ST18: variants seen among roughly 807,000 people sequenced by gnomAD.
ST18 encodes the protein suppression of tumorigenicity 18 protein.
ST18 carries 50 observed loss-of-function variants against 110.0 expected under a neutral mutation model. The ratio of observed to expected loss-of-function variants is 0.45; its 90% CI spans 0.36 to 0.58. The LOEUF (loss-of-function observed/expected upper bound fraction) is 0.58, where lower values mean the gene tolerates loss of function less well. Ranked by LOEUF, ST18 falls within the 20% of genes least tolerant of loss-of-function variation. The pLI is 0.00. For synonymous variants in ST18, 461 were observed against 452.4 expected, an observed-to-expected ratio of 1.02 and a Z score of -0.24; for missense variants, 1,306 against 1,280.1, an observed-to-expected ratio of 1.02 and a Z score of -0.31.
rs576269370 is a variant in ST18, at chr8:52,207,914, T to C, written c.86+4165A>G. Among the ~76,000 whole-genome samples the C allele has an allele frequency of 2.0e-5, 3 of 152,238 alleles. No individual in the cohort carries two copies. In the East Asian group the frequency reaches 5.8e-4, roughly 29 times the overall value. ...AATAGCATGAGGTTCAGACTAAGGA[T>C]AATAGTAATAAAAGAAAAGAGCAGA... On this transcript the variant is annotated intron_variant, in intron 8 of 25. Transcript: ENST00000689386.
At chr8:52,384,189 A>G (rs1277723529) in intron 2 of ST18, among the ~76,000 whole-genome samples, 1 of 152,182 alleles carries the variant, frequency 6.6e-6, no homozygotes, top group African/African-American at 2.4e-5. Flanking sequence ...ACCTATTTCT[A>G]TCCCCTGGCA....
chr8:52,211,810 G>GC (rs2082268978), intron 8 of ST18, among the ~76,000 whole-genome samples: 1 of 152,194 alleles, frequency 6.6e-6, no homozygotes, highest in Non-Finnish European at 1.5e-5. Context: ...GGGATCACAT[G>GC]CTTGATGAAG....
chr8:52,395,950 T>C lies in ST18; in HGVS notation c.-465+13378A>G, dbSNP rs527438987. ...AGCATGCAAACACACAGAATCTGTA[T>C]GCCCATATATTTAAACATAGAAAAA... is the stretch of plus-strand genomic sequence containing the variant. On this transcript the variant is annotated intron_variant, in intron 2 of 25. Coordinates refer to ENST00000689386, the MANE Select transcript of ST18 (RefSeq NM_001352837.2). Among the ~76,000 whole-genome samples the C allele has an allele frequency of 2.6e-5, 4 of 152,296 alleles. No homozygotes were observed. The South Asian group carries it at 6.2e-4, about 24-fold the overall frequency.
chr8:52,221,700 C>T lies in ST18; in HGVS notation c.-325G>A, dbSNP rs79934862. 1.3e-3 allele frequency: 191 copies of T among 152,304 alleles called. No homozygotes were observed. The highest frequency in any genetic ancestry group is 3.9e-3 in the African/African-American group (161 of 41,558). 9.4% of individuals were successfully genotyped at this position (152,304 alleles called of 1,614,324 possible). A position where few individuals can be genotyped will look rare whatever the true frequency, so the allele number is the denominator to read the frequency against. On this transcript the variant is annotated 5_prime_UTR_variant, in exon 4 of 26. Transcript: ENST00000689386. Reference sequence around the variant, plus strand: ...CTACCCTTTGCAGTATATCAAAGTGCTCAGCTTTTTAATCATAGATTTCTG... The same window carrying T: ...CTACCCTTTGCAGTATATCAAAGTGTTCAGCTTTTTAATCATAGATTTCTG...
intron 2 of ST18, among the ~76,000 whole-genome samples, chr8:52,271,177 T>A (rs565043076): frequency 2.0e-5 from 3 of 152,330 alleles, no homozygotes; most frequent in Non-Finnish European, 2.9e-5. Flanking sequence ...TATACATTTT[T>A]AAAGTCTCTT....
At chr8:52,351,158 A>G (rs1820145752) in intron 2 of ST18, among the ~76,000 whole-genome samples, 1 of 152,194 alleles carries the variant, frequency 6.6e-6, no homozygotes, top group South Asian at 2.1e-4. Context: ...TTTCCAACAC[A>G]TTATTTGGCG....
chr8:52,127,959 T>C lies in ST18; in HGVS notation c.2667-1819A>G, dbSNP rs533442710. 6.0e-5 allele frequency among the ~76,000 whole-genome samples: 9 copies of C among 149,906 alleles called. No homozygotes were observed. The East Asian group carries it at 1.7e-3, about 29-fold the overall frequency. ...GTTTTGACCAAAATTACCATTCTAT[T>C]ATGACATATTAAGGGATTTTTTTTT... On this transcript the variant is annotated intron_variant, in intron 22 of 25. Coordinates refer to ENST00000689386, the MANE Select transcript of ST18 (RefSeq NM_001352837.2).
chr8:52,333,970 T>G (rs541908206), intron 2 of ST18, among the ~76,000 whole-genome samples: 1 of 152,194 alleles, frequency 6.6e-6, no homozygotes, highest in Non-Finnish European at 1.5e-5. Context: ...GTCAGCCCTA[T>G]CCCAGGAGAG....
At chr8:52,357,399 A>G (rs1051899533) in intron 2 of ST18, among the ~76,000 whole-genome samples, 1 of 152,022 alleles carries the variant, frequency 6.6e-6, no homozygotes, top group Non-Finnish European at 1.5e-5. Flanking sequence ...AATGGATATG[A>G]ACAAATATGA....
intron 3 of ST18, chr8:52,222,025 T>A (rs1297131342): frequency 6.6e-6 from 1 of 152,104 alleles, no homozygotes; most frequent in Non-Finnish European, 1.5e-5. Flanking sequence ...TGCCATACAC[T>A]AACCTAAAAC....
intron 2 of ST18, among the ~76,000 whole-genome samples, chr8:52,315,086 C>T (rs945542828): frequency 2.6e-5 from 4 of 152,154 alleles, no homozygotes; most frequent in African/African-American, 9.7e-5. Flanking sequence ...TCATATATGG[C>T]CAATGCTCTG....
chr8:52,214,668 ATC>A (rs1212273446), intron 6 of ST18, among the ~76,000 whole-genome samples: 1 of 152,204 alleles, frequency 6.6e-6, no homozygotes, highest in African/African-American at 2.4e-5. Context: ...CCTGATACAT[ATC>A]TCTTTCTAAG....
At chr8:52,349,432 C>G (rs923224585) in intron 2 of ST18, among the ~76,000 whole-genome samples, 4 of 152,178 alleles carry the variant, frequency 2.6e-5, no homozygotes, top group Non-Finnish European at 4.4e-5. Context: ...CTCTGACGTT[C>G]TGTTAATGTA....
At chr8:52,279,615 A>C (rs1339158887) in intron 2 of ST18, among the ~76,000 whole-genome samples, 1 of 152,178 alleles carries the variant, frequency 6.6e-6, no homozygotes, top group Non-Finnish European at 1.5e-5. Context: ...AATACTTAAT[A>C]AAGACACAAG....
rs960606838 is a variant in ST18 at position 52,116,209 on chromosome 8, G to A, written c.3003+66C>T. On this transcript the variant is annotated intron_variant, in intron 25 of 25. Transcript: ENST00000689386. ...CAAAGCTCAGTCGTGGCAACCCCGTGGGTAGATGCATGATGACACTGCAAA... is the reference window on the plus strand; with the variant it reads ...CAAAGCTCAGTCGTGGCAACCCCGTAGGTAGATGCATGATGACACTGCAAA... 2.6e-6 allele frequency: 4 copies of A among 1,559,510 alleles called. No individual in the cohort carries two copies. In the African/African-American group the frequency reaches 4.1e-5, roughly 16 times the overall value.
intron 9 of ST18, among the ~76,000 whole-genome samples, chr8:52,178,645 C>CAAAAAAAAAAAAAAAAAA: frequency 3.3e-5 from 1 of 30,106 alleles, no homozygotes; most frequent in Non-Finnish European, 6.0e-5. Context: ...AAAAAAAAAC[C>CAAAAAAAAAAAAAAAAAA]ACCAAAAACC....
intron 25 of ST18, among the ~76,000 whole-genome samples, chr8:52,115,777 T>C (rs536017452): frequency 2.0e-5 from 3 of 152,254 alleles, no homozygotes; most frequent in Non-Finnish European, 4.4e-5. Context: ...AAAATGAGGA[T>C]TCCTTGTTCA....
chr8:52,303,505 C>T (rs954311952), intron 2 of ST18, among the ~76,000 whole-genome samples: 2 of 152,222 alleles, frequency 1.3e-5, no homozygotes, highest in African/African-American at 2.4e-5. Context: ...AGGGTTAAGA[C>T]TTCAATGTAT....
chr8:52,361,132 C>T (rs527849166), intron 2 of ST18, among the ~76,000 whole-genome samples: 1 of 152,228 alleles, frequency 6.6e-6, no homozygotes, highest in Non-Finnish European at 1.5e-5. Flanking sequence ...AGTATATTTT[C>T]CCCCAAAATG....
Sources: allele counts gnomAD v4.1 joint callset (sites outside exome capture counted in the v4.1 genomes callset), GRCh38; gene constraint gnomAD v4.1.1; transcripts MANE v1.5; gene names NCBI Gene and HGNC (gene_info 2026-07-23, HGNC 2026-07-21).